Variants in CENPF observed in about 807,000 individuals in gnomAD.
The protein encoded by CENPF is AH antigen.
Under a neutral mutation model 307.3 loss-of-function variants are expected in CENPF, and 214 were observed. The ratio of observed to expected loss-of-function variants is 0.70; its 90% CI spans 0.62 to 0.78. The LOEUF (loss-of-function observed/expected upper bound fraction) is 0.78. Ranked by LOEUF, CENPF falls within the 30% of genes least tolerant of loss-of-function variation. The probability of loss-of-function intolerance (pLI) is 0.00; values close to 1 mark genes in which losing one functional copy is unlikely to be tolerated. For synonymous variants in CENPF, 1,259 were observed against 1,270.6 expected (o/e 0.99, Z 0.19); for missense variants, 3,401 against 3,483.9 (o/e 0.98, Z 0.60).
chr1:214,650,121 G>T (rs1482512740), intron 14 of CENPF, among the ~76,000 whole-genome samples: 1 of 152,150 alleles, frequency 6.6e-6, no homozygotes, highest in African/African-American at 2.4e-5. Context: ...ATTTAGATAG[G>T]GTGGTCAGCA....
rs181281844 is a variant in CENPF, at chr1:214,604,414, A to G, written c.-42+1093A>G. On this transcript the variant is annotated intron_variant, in intron 1 of 19. Transcript: ENST00000366955. ...TTTATTTTTTTGTTCTTTTGCCCCAATGGCCCAATACAGGTGGCTGATAGC... is the reference window on the plus strand; with the variant it reads ...TTTATTTTTTTGTTCTTTTGCCCCAGTGGCCCAATACAGGTGGCTGATAGC... 4.2e-3 allele frequency among the ~76,000 whole-genome samples: 636 copies of G among 152,246 alleles called. 3 individuals are homozygous for G. The highest frequency in any genetic ancestry group is 4.8e-3 in the Admixed American group (74 of 15,288).
At position 214,641,237 on chromosome 1, in the gene CENPF, A is replaced by C. The variant is rs779987037; in HGVS notation, c.2899A>C (p.Arg967=). Residue 967 remains arginine, a synonymous_variant, in exon 12 of 20, where the codon AGG becomes CGG. Coordinates refer to ENST00000366955, the MANE Select transcript of CENPF (RefSeq NM_016343.4). ...GAGTTCCATCATTTCTCTAAATAAA[A>C]GGGAAATTGAAGAGCTGACCCAAGA... ...EMSSIISLNK[R]EIEELTQENG... 2 of 1,602,744 alleles carry C rather than the reference A, an allele frequency of 1.2e-6. No homozygotes were observed. The highest frequency in any genetic ancestry group is 1.7e-6 in the Non-Finnish European group (2 of 1,177,066).
At chr1:214,608,835 G>T (rs1571691407) in intron 1 of CENPF, 1 of 1,584,036 alleles carries the variant, frequency 6.3e-7, no homozygotes, top group African/African-American at 1.4e-5. Flanking sequence ...GCGACAGCCC[G>T]TTCATGGCGG....
At chr1:214,631,173 A>G (rs865897459) in intron 9 of CENPF, among the ~76,000 whole-genome samples, 28 of 152,136 alleles carry the variant, frequency 1.8e-4, no homozygotes, top group African/African-American at 6.3e-4. Flanking sequence ...ATTGAACTCT[A>G]GGTATTTTTC....
At chr1:214,636,230 G>T (rs1657963546) in intron 10 of CENPF, among the ~76,000 whole-genome samples, 1 of 152,092 alleles carries the variant, frequency 6.6e-6, no homozygotes, top group Non-Finnish European at 1.5e-5. Context: ...CATTTGAGGG[G>T]TGATTATTCT....
rs535756392 is a variant in CENPF at position 214,605,586 on chromosome 1, G to C, written c.-42+2265G>C. 1.8e-5 allele frequency: 19 copies of C among 1,075,364 alleles called. No homozygotes were observed. In the South Asian group the frequency reaches 2.5e-4, roughly 14 times the overall value. 66.6% of individuals were successfully genotyped at this position (1,075,364 alleles called of 1,614,324 possible). On this transcript the variant is annotated intron_variant, in intron 1 of 19. Coordinates refer to ENST00000366955, the MANE Select transcript of CENPF (RefSeq NM_016343.4). Reference sequence around the variant, plus strand: ...TGGAGCGGGGTCCCCTGGGCCGCCCGGGGGTCCACATGCAGCCCCTGGGGG... The same window carrying C: ...TGGAGCGGGGTCCCCTGGGCCGCCCCGGGGTCCACATGCAGCCCCTGGGGG...
chr1:214,613,868 G>GT lies in CENPF; in HGVS notation c.117dup (p.Gln40SerfsTer3). 1 of 1,613,892 alleles carries GT rather than the reference G, an allele frequency of 6.2e-7. No homozygotes were observed. The highest frequency in any genetic ancestry group is 8.5e-7 in the Non-Finnish European group (1 of 1,179,914). ...TGAAGAAGGAAAAGCAGCAAAGGCA[G>GT]TTTCAGCTTGACAGTCTCGAGGCTG... On this transcript the variant is annotated frameshift_variant, in exon 2 of 20. Coordinates refer to ENST00000366955, the MANE Select transcript of CENPF (RefSeq NM_016343.4). LOFTEE classifies it high-confidence loss of function.
intron 11 of CENPF, among the ~76,000 whole-genome samples, chr1:214,638,515 G>A (rs1334933231): frequency 6.6e-6 from 1 of 152,172 alleles, no homozygotes; most frequent in Non-Finnish European, 1.5e-5. Flanking sequence ...CACATCAAAT[G>A]AATCCACTCT....
chr1:214,646,997 A>C lies in CENPF; in HGVS notation c.7427A>C (p.Glu2476Ala), dbSNP rs1658326884. ...AKEQNLSSQVECLELEKAQLL... is the reference protein window; with the variant it reads ...AKEQNLSSQVACLELEKAQLL... Reference sequence around the variant, plus strand: ...GAGCAGAATCTTAGTAGTCAAGTAGAGTGTCTTGAACTTGAGAAGGCTCAG... The same window carrying C: ...GAGCAGAATCTTAGTAGTCAAGTAGCGTGTCTTGAACTTGAGAAGGCTCAG... The change falls in exon 13 of 20, where the codon GAG becomes GCG. Residue 2476 changes from glutamate to alanine, a missense_variant. Physicochemically the swap from Glu to Ala is moderately radical, Grantham distance 107. Transcript: ENST00000366955. 6.2e-7 allele frequency: 1 copy of C among 1,613,918 alleles called. No individual in the cohort carries two copies. The highest frequency in any genetic ancestry group is 8.5e-7 in the Non-Finnish European group (1 of 1,179,978).
At chr1:214,618,462 T>C in intron 3 of CENPF, 111 bp from the exon 4 acceptor site, 3 of 1,271,812 alleles carry the variant, frequency 2.4e-6, no homozygotes, top group Non-Finnish European at 3.3e-6. Context: ...TAAGAATTCT[T>C]AGTGGATGGG....
intron 18 of CENPF, among the ~76,000 whole-genome samples, chr1:214,658,493 C>G (rs540526356): frequency 3.7e-4 from 56 of 151,402 alleles, no homozygotes; most frequent in Non-Finnish European, 6.8e-4. Context: ...CCTTTTTTCC[C>G]CAACCCAATT....
intron 1 of CENPF, among the ~76,000 whole-genome samples, chr1:214,607,059 C>T (rs1657053810): frequency 6.6e-6 from 1 of 152,228 alleles, no homozygotes; most frequent in South Asian, 2.1e-4. Flanking sequence ...CGCCACTCAC[C>T]CATGCCCCAA....
At chr1:214,654,948 A>G (rs1055546538) in intron 16 of CENPF, among the ~76,000 whole-genome samples, 5 of 151,820 alleles carry the variant, frequency 3.3e-5, no homozygotes, top group East Asian at 3.9e-4. Flanking sequence ...CAGTAATCCA[A>G]TGCGATTCCC....
In CENPF at chr1:214,642,905, G is replaced by A. The variant is rs376492439; in HGVS notation, c.4567G>A (p.Val1523Ile). The change falls in exon 12 of 20, where the codon GTA becomes ATA. Residue 1523 changes from valine (V) to isoleucine (I), a missense_variant. Physicochemically the swap from Val to Ile is conservative, Grantham distance 29. Transcript: ENST00000366955. ...EGAVSANQCS[V>I]DEVFCSSLQE... is the part of the protein sequence containing the mutation. ...GGCTGTTTCAGCAAACCAGTGCAGTGTAGATGAAGTATTTTGCAGCAGTCT... is the reference window on the plus strand; with the variant it reads ...GGCTGTTTCAGCAAACCAGTGCAGTATAGATGAAGTATTTTGCAGCAGTCT... The A allele has an allele frequency of 3.0e-5, 48 of 1,613,968 alleles. No individual in the cohort carries two copies. Among genetic ancestry groups the A allele is most frequent in the African/African-American group, 5.3e-5 (4 of 74,918 alleles).
Position 214,632,546 on chromosome 1 carries a change from G to C in CENPF, c.1390G>C (p.Glu464Gln). ...EEFKQKLCRA[E>Q]QAFQASQIKE... ...GTTTAAGCAAAAGTTGTGCAGAGCT[G>C]AACAGGCGTTCCAGGCGAGTCAGAT... Residue 464 changes from glutamate to glutamine, a missense_variant, in exon 10 of 20, where the codon GAA becomes CAA. By Grantham distance (29) the Glu-to-Gln change is conservative. Coordinates refer to ENST00000366955, the MANE Select transcript of CENPF (RefSeq NM_016343.4). 1 of 1,614,142 alleles carries C rather than the reference G, an allele frequency of 6.2e-7. No homozygotes were observed. The highest frequency in any genetic ancestry group is 1.3e-5 in the African/African-American group (1 of 75,066).
At chr1:214,635,566 C>T (rs538919293) in intron 10 of CENPF, among the ~76,000 whole-genome samples, 2 of 152,276 alleles carry the variant, frequency 1.3e-5, no homozygotes, top group African/African-American at 2.4e-5. Context: ...GCTGTAGCCT[C>T]GTGGAAAACT....
At position 214,629,127 on chromosome 1, in the gene CENPF, T is replaced by A. The variant is rs770453624; in HGVS notation, c.1150T>A (p.Ser384Thr). ...ACAAAATGCAGAAAGTGCCAGATGT[T>A]CTCTGGAACAGAAAATTAAGGAAAA... is the stretch of plus-strand genomic sequence containing the variant. Reference protein sequence around the residue: ...QRQNAESARCSLEQKIKEKEK... With the variant: ...QRQNAESARCTLEQKIKEKEK... The change falls in exon 8 of 20, where the codon TCT (serine) becomes ACT (threonine). Residue 384 changes from serine to threonine, a missense_variant. Ser to Thr is a moderately conservative substitution (Grantham distance 58, BLOSUM62 1). Transcript: ENST00000366955. 4 of 1,609,764 alleles carry A rather than the reference T, an allele frequency of 2.5e-6. No homozygotes were observed. The South Asian group carries it at 4.5e-5, about 18-fold the overall frequency.
rs1658254133 is a variant in CENPF at position 214,645,228 on chromosome 1, G to A, written c.5658G>A (p.Val1886=). The change falls in exon 13 of 20, where the codon GTG becomes GTA. Residue 1886 remains valine (V), a synonymous_variant. Coordinates refer to ENST00000366955, the MANE Select transcript of CENPF (RefSeq NM_016343.4). Reference sequence around the variant, plus strand: ...CACGTGAAGATATTGGAGATAATGTGGCCAAGGTGAATGACAGCTGGAAGG... The same window carrying A: ...CACGTGAAGATATTGGAGATAATGTAGCCAAGGTGAATGACAGCTGGAAGG... The part of the protein sequence containing the change: ...KSSREDIGDN[V]AKVNDSWKER... The A allele has an allele frequency of 6.2e-7, 1 of 1,613,928 alleles. No individual in the cohort carries two copies. The highest frequency in any genetic ancestry group is 1.3e-5 in the African/African-American group (1 of 74,902).
rs147528881 is a variant in CENPF at position 214,645,144 on chromosome 1, G to C, written c.5574G>C (p.Gln1858His). The change falls in exon 13 of 20, where the codon CAG becomes CAC. Residue 1858 changes from glutamine to histidine, a missense_variant. Gln to His is a conservative substitution (Grantham distance 24). Coordinates refer to ENST00000366955, the MANE Select transcript of CENPF (RefSeq NM_016343.4). ...YFSCDHQELL[Q>H]RVETSEGLNS... is the part of the protein sequence containing the mutation. ...CTTGTGATCACCAGGAGTTACTCCA[G>C]AGAGTAGAAACTTCTGAAGGCCTCA... is the stretch of plus-strand genomic sequence containing the variant. The C allele has an allele frequency of 6.8e-6, 11 of 1,613,932 alleles. No individual in the cohort carries two copies. Among genetic ancestry groups the C allele is most frequent in the Non-Finnish European group, 9.3e-6 (11 of 1,179,970 alleles).
Sources: gnomAD v4.1 joint callset for allele counts (sites outside exome capture counted in the v4.1 genomes callset) on GRCh38, gnomAD v4.1.1 for gene constraint, MANE v1.5 for transcripts, NCBI Gene and HGNC (gene_info 2026-07-23, HGNC 2026-07-21) for gene names.